The following FRMD3 variants were observed in gnomAD, a reference collection of about 807,000 sequenced individuals.
FRMD3 encodes FERM domain containing 3, also known as FERM domain-containing protein 3.
A neutral mutation model predicts 70.2 loss-of-function variants in FRMD3; 33 were observed. The ratio of observed to expected loss-of-function variants is 0.47; its 90% CI spans 0.36 to 0.63. FRMD3 has a LOEUF of 0.63. Among genes scored for constraint, FRMD3 ranks in the 20% least tolerant of loss-of-function variants. FRMD3 has a pLI of 0.00. For synonymous variants in FRMD3, 279 were observed against 255.9 expected (o/e 1.09, Z -0.86); for missense variants, 632 against 711.4 (o/e 0.89, Z 1.27).
At chr9:83,544,823 C>G in the FRMD3 span, among the ~76,000 whole-genome samples, 1 of 152,130 alleles carries the variant, frequency 6.6e-6, no homozygotes, top group Non-Finnish European at 1.5e-5. Flanking sequence ...CACCAAGAAG[C>G]AAAGCCAAAC....
At chr9:83,481,480 G>T (rs1433459197) in intron 1 of FRMD3, among the ~76,000 whole-genome samples, 1 of 152,066 alleles carries the variant, frequency 6.6e-6, no homozygotes, top group African/African-American at 2.4e-5. Context: ...TCCACATAAA[G>T]GCAAACCAAA....
intron 1 of FRMD3, among the ~76,000 whole-genome samples, chr9:83,498,165 G>A (rs937193877): frequency 7.7e-5 from 9 of 117,192 alleles, no homozygotes; most frequent in African/African-American, 1.2e-4. Context: ...GCAAGACTCC[G>A]TCTCCAAAAA....
intron 1 of FRMD3, among the ~76,000 whole-genome samples, chr9:83,480,352 A>G (rs1335361377): frequency 6.6e-6 from 1 of 152,202 alleles, no homozygotes; most frequent in Non-Finnish European, 1.5e-5. Context: ...TTCCATATCC[A>G]TGAATTCAAC....
intron 1 of FRMD3, among the ~76,000 whole-genome samples, chr9:83,406,313 A>T (rs1826102803): frequency 6.6e-6 from 1 of 152,220 alleles, no homozygotes; most frequent in Admixed American, 6.5e-5. Flanking sequence ...ACAAGTTAGA[A>T]GATGAGAAGG....
rs781220179 is a variant in FRMD3, at chr9:83,290,714, G to C, written c.1084C>G (p.Gln362Glu). The C allele has an allele frequency of 6.2e-7, 1 of 1,609,198 alleles. No individual in the cohort carries two copies. The stretch of plus-strand genomic sequence containing the variant: ...TTCAAGGAGTGGGAACTGCGGCTCT[G>C]AGTAATGTTGGCTCTGAAAACAGAC... ...PPEVHRANIT[Q>E]SRSSHSLNKQ... Residue 362 changes from glutamine to glutamate, a missense_variant, in exon 13 of 14, where the codon CAG becomes GAG. This residue lies in a region of FRMD3 where 418 missense variants were observed against 442.1 expected (regional missense o/e 0.95). Transcript: ENST00000304195.
intron 6 of FRMD3, among the ~76,000 whole-genome samples, chr9:83,318,404 C>G (rs1002733657): frequency 1.3e-5 from 2 of 152,090 alleles, no homozygotes; most frequent in East Asian, 3.8e-4. Context: ...CTGCTTCTAT[C>G]CATGTTACTG....
At chr9:83,309,259 T>TACACAC (rs3029557) in intron 10 of FRMD3, among the ~76,000 whole-genome samples, 279 of 138,378 alleles carry the variant, frequency 2.0e-3, no homozygotes, top group Non-Finnish European at 2.5e-3. Context: ...CTATTTGAAA[T>TACACAC]ACACACACAC....
At chr9:83,448,829 T>C (rs764445150) in intron 1 of FRMD3, among the ~76,000 whole-genome samples, 1 of 152,220 alleles carries the variant, frequency 6.6e-6, no homozygotes, top group Non-Finnish European at 1.5e-5. Flanking sequence ...AACAGTTACC[T>C]CTTCGAATGC....
chr9:83,566,696 A>G, the FRMD3 span, among the ~76,000 whole-genome samples: 2 of 152,200 alleles, frequency 1.3e-5, no homozygotes, highest in African/African-American at 4.8e-5. Context: ...CAAGTCCAAA[A>G]TCCAGTGGGG....
At chr9:83,459,779 A>T (rs937664662) in intron 1 of FRMD3, among the ~76,000 whole-genome samples, 2 of 152,206 alleles carry the variant, frequency 1.3e-5, no homozygotes, top group Non-Finnish European at 2.9e-5. Context: ...AATATGACAG[A>T]CTGGGTGGCT....
At chr9:83,501,756 G>A (rs761711332) in intron 1 of FRMD3, among the ~76,000 whole-genome samples, 1 of 152,180 alleles carries the variant, frequency 6.6e-6, no homozygotes, top group Non-Finnish European at 1.5e-5. Context: ...TTGTTCTTGA[G>A]AGGAATTTCT....
chr9:83,357,244 TAC>T (rs58873765), intron 3 of FRMD3, among the ~76,000 whole-genome samples: 669 of 2,530 alleles, frequency 0.26, 95 homozygotes, highest in Non-Finnish European at 0.37. Flanking sequence ...ATATAATACA[TAC>T]ATATATATAT....
At chr9:83,267,802 G>T (rs1004275371) in intron 13 of FRMD3, among the ~76,000 whole-genome samples, 1 of 152,066 alleles carries the variant, frequency 6.6e-6, no homozygotes, top group Non-Finnish European at 1.5e-5. Flanking sequence ...AGTGTGTGTT[G>T]CACACTGCAC....
chr9:83,372,459 G>A (rs1410909759), intron 3 of FRMD3, among the ~76,000 whole-genome samples: 1 of 151,902 alleles, frequency 6.6e-6, no homozygotes, highest in Non-Finnish European at 1.5e-5. Context: ...GGGAGTTCAA[G>A]GAATGGAAAA....
the FRMD3 span, among the ~76,000 whole-genome samples, chr9:83,547,847 T>C: frequency 6.6e-6 from 1 of 152,208 alleles, no homozygotes; most frequent in Non-Finnish European, 1.5e-5. Context: ...TCTCAGTCTT[T>C]TGGCTAAGAT....
At chr9:83,532,943 T>G (rs1829819291) in intron 1 of FRMD3, among the ~76,000 whole-genome samples, 2 of 152,240 alleles carry the variant, frequency 1.3e-5, no homozygotes, top group African/African-American at 4.8e-5. Context: ...ACATAGTTAA[T>G]GCACTGAAGA....
At chr9:83,541,603 G>A (rs1219394594), upstream of FRMD3, among the ~76,000 whole-genome samples, 3 of 152,206 alleles carry the variant, frequency 2.0e-5, no homozygotes, top group East Asian at 5.8e-4. Flanking sequence ...AGCAAGAGAT[G>A]GTTGTGAAAG....
At chr9:83,353,704 G>C (rs1824240201) in intron 3 of FRMD3, among the ~76,000 whole-genome samples, 1 of 152,168 alleles carries the variant, frequency 6.6e-6, no homozygotes, top group Non-Finnish European at 1.5e-5. Context: ...AGCAATTCCT[G>C]AGATTTACAT....
rs201266165 is a variant in FRMD3, at chr9:83,354,248, AACCTAAGT to A, written c.296-4499_296-4492del. Among the ~76,000 whole-genome samples, 1,026 of 152,278 alleles carry A rather than the reference AACCTAAGT, an allele frequency of 6.7e-3. 9 individuals carry two copies. Among genetic ancestry groups the A allele is most frequent in the African/African-American group, 0.023 (953 of 41,548 alleles). On this transcript the variant is annotated intron_variant, in intron 3 of 13. Transcript: ENST00000304195. Reference sequence around the variant, plus strand: ...GCCAAAAATTCTGTCTTATGGAATCAACCTAAGTGCCCATCAATGGTGGACTGAATAAA... The same window carrying A: ...GCCAAAAATTCTGTCTTATGGAATCAGCCCATCAATGGTGGACTGAATAAA...
Sources: allele counts gnomAD v4.1 joint callset (sites outside exome capture counted in the v4.1 genomes callset), GRCh38; gene constraint gnomAD v4.1.1; regional missense constraint gnomAD v4.1.1; transcripts MANE v1.5; gene names NCBI Gene and HGNC (gene_info 2026-07-23, HGNC 2026-07-21).